Variants in TBCEL observed in about 807,000 individuals in gnomAD.
TBCEL encodes tubulin folding cofactor E like.
In TBCEL, 15 loss-of-function variants were observed where a neutral mutation model predicts 44.2. The ratio of observed to expected loss-of-function variants is 0.34; its 90% CI spans 0.23 to 0.52. The LOEUF is 0.52. Among genes scored for constraint, TBCEL ranks in the 20% least tolerant of loss-of-function variants. The pLI, the probability that TBCEL is intolerant of heterozygous loss-of-function variation, is 0.95. For missense variants in TBCEL, 319 were observed against 506.3 expected, an observed-to-expected ratio of 0.63 and a Z score of 3.55; for synonymous variants, 171 against 185.4, an observed-to-expected ratio of 0.92 and a Z score of 0.63.
intron 8 of TBCEL, among the ~76,000 whole-genome samples, chr11:121,073,459 C>G (rs1344292108): frequency 2.0e-5 from 3 of 151,814 alleles, no homozygotes; most frequent in South Asian, 2.1e-4. Flanking sequence ...TATTGTTGCT[C>G]TATAGAAATG....
chr11:121,043,814 T>G (rs1051699043), intron 2 of TBCEL, among the ~76,000 whole-genome samples: 6 of 152,142 alleles, frequency 3.9e-5, no homozygotes, highest in Non-Finnish European at 7.4e-5. Context: ...CAGTGACTAT[T>G]GTCTTATTGT....
chr11:121,054,234 A>G (rs1945579225), intron 5 of TBCEL, among the ~76,000 whole-genome samples: 3 of 151,894 alleles, frequency 2.0e-5, no homozygotes, highest in Admixed American at 2.0e-4. Context: ...CTATCTTTGT[A>G]TTTACATGTA....
In TBCEL at chr11:121,060,334, G is replaced by A. The variant is rs532183659; in HGVS notation, c.956+249G>A. 1.9e-3 allele frequency among the ~76,000 whole-genome samples: 289 copies of A among 152,006 alleles called. 1 individual carries two copies. The highest frequency in any genetic ancestry group is 6.7e-3 in the African/African-American group (277 of 41,534). ...ATTGGGTAAGTATTTGACAATTCCA[G>A]TAGTTCCTGCTGCATACTCCATATC... On this transcript the variant is annotated intron_variant, in intron 8 of 8. Transcript: ENST00000683345.
At chr11:121,075,487 T>G (rs1946016399) in intron 8 of TBCEL, among the ~76,000 whole-genome samples, 1 of 151,956 alleles carries the variant, frequency 6.6e-6, no homozygotes, top group Non-Finnish European at 1.5e-5. Context: ...CCATATAAAT[T>G]TTGGGCTAAT....
chr11:121,081,183 A>G (rs1284629497), intron 8 of TBCEL, among the ~76,000 whole-genome samples: 1 of 152,182 alleles, frequency 6.6e-6, no homozygotes, highest in Non-Finnish European at 1.5e-5. Flanking sequence ...TGCAGCTAGC[A>G]TTTGGTTTCC....
chr11:121,031,662 CTT>C (rs1159376351), intron 1 of TBCEL, among the ~76,000 whole-genome samples: 18 of 101,870 alleles, frequency 1.8e-4, no homozygotes, highest in East Asian at 1.5e-3. Context: ...TTTTTTCTTT[CTT>C]TTTTTTTTTT....
intron 1 of TBCEL, among the ~76,000 whole-genome samples, chr11:121,025,403 C>T (rs1424872936): frequency 6.7e-6 from 1 of 149,650 alleles, no homozygotes; most frequent in Non-Finnish European, 1.5e-5. Flanking sequence ...AGCTTTCAAA[C>T]TTAAAAAAAA....
At chr11:121,048,670 A>G (rs1373180879) in intron 4 of TBCEL, among the ~76,000 whole-genome samples, 1 of 151,902 alleles carries the variant, frequency 6.6e-6, no homozygotes, top group Non-Finnish European at 1.5e-5. Flanking sequence ...ACTGTCCTGC[A>G]TAAAGGCCTA....
chr11:121,045,260 A>G (rs550273161), intron 2 of TBCEL, among the ~76,000 whole-genome samples: 49 of 152,268 alleles, frequency 3.2e-4, no homozygotes, highest in Middle Eastern at 6.8e-3. Flanking sequence ...GAAGAAGATA[A>G]TGGATTTTAG....
rs77638409 is a variant in TBCEL, at chr11:121,042,048, C to T, written c.-17-3626C>T. Among the ~76,000 whole-genome samples the T allele has an allele frequency of 1.5e-4, 23 of 152,196 alleles. 1 individual carries two copies. The East Asian group carries it at 4.4e-3, about 29-fold the overall frequency. ...TTTTAACTTGAATACGTCTTTCCTA[C>T]CATCCCTTCGTTTCTCTGTATTTAA... On this transcript the variant is annotated intron_variant, in intron 2 of 8. Coordinates refer to ENST00000683345, the MANE Select transcript of TBCEL (RefSeq NM_001363644.2).
chr11:121,055,037 C>A lies in TBCEL; in HGVS notation c.456-15C>A. ...ACTGCTTTAAACAATGAAATATTTCCTTTTTTCTCTGCAGTTTGGAGGAGC... is the reference window on the plus strand; with the variant it reads ...ACTGCTTTAAACAATGAAATATTTCATTTTTTCTCTGCAGTTTGGAGGAGC... On this transcript the variant is annotated splice_polypyrimidine_tract_variant and intron_variant, in intron 5 of 8. Coordinates refer to ENST00000683345, the MANE Select transcript of TBCEL (RefSeq NM_001363644.2). The A allele has an allele frequency of 6.9e-7, 1 of 1,444,104 alleles. No individual in the cohort carries two copies. The highest frequency in any genetic ancestry group is 1.8e-5 in the South Asian group (1 of 57,038). The allele number at this position is 1,444,104 out of a possible 1,614,324, so 89.5% of individuals were successfully genotyped here.
At chr11:121,052,687 G>A (rs994688540) in intron 4 of TBCEL, among the ~76,000 whole-genome samples, 1 of 151,736 alleles carries the variant, frequency 6.6e-6, no homozygotes, top group Non-Finnish European at 1.5e-5. Flanking sequence ...TTATATTTAT[G>A]ATGTATAAAT....
chr11:121,051,314 T>A (rs914872391), intron 4 of TBCEL, among the ~76,000 whole-genome samples: 13 of 151,812 alleles, frequency 8.6e-5, no homozygotes, highest in Non-Finnish European at 2.9e-5. Flanking sequence ...ATCTATTTTT[T>A]AAAGCGTTTT....
chr11:121,035,397 T>TA (rs1458467826), intron 1 of TBCEL: 6 of 151,346 alleles, frequency 4.0e-5, no homozygotes, highest in Non-Finnish European at 8.8e-5. Context: ...AACCAGTACT[T>TA]ACTACCATTG....
At chr11:121,054,805 ATTAT>A (rs1945590997) in intron 5 of TBCEL, 4 of 326,238 alleles carry the variant, frequency 1.2e-5, no homozygotes, top group Admixed American at 9.6e-5. Context: ...TTAGTACTTA[ATTAT>A]TTAAGCACAA....
At chr11:121,075,560 A>T (rs1378843515) in intron 8 of TBCEL, among the ~76,000 whole-genome samples, 1 of 151,964 alleles carries the variant, frequency 6.6e-6, no homozygotes, top group East Asian at 1.9e-4. Flanking sequence ...AAACTTATAG[A>T]TGAGTTTGGG....
At chr11:121,051,400 G>T (rs1478361155) in intron 4 of TBCEL, among the ~76,000 whole-genome samples, 1 of 151,730 alleles carries the variant, frequency 6.6e-6, no homozygotes, top group South Asian at 2.1e-4. Flanking sequence ...TTTAACTGGG[G>T]TTGTCCTATA....
chr11:121,033,819 C>T (rs930833564), intron 1 of TBCEL, among the ~76,000 whole-genome samples: 1 of 151,610 alleles, frequency 6.6e-6, no homozygotes, highest in Non-Finnish European at 1.5e-5. Context: ...ACTCCCCGTG[C>T]CCTCTGGCTC....
chr11:121,059,895 G>A, intron 7 of TBCEL, 74 bp from the exon 8 acceptor site: 1 of 1,036,672 alleles, frequency 9.6e-7, no homozygotes, highest in South Asian at 1.5e-5. Context: ...TGGGCCACAA[G>A]CCAATTAGTT....
Sources: gnomAD v4.1 joint callset for allele counts (sites outside exome capture counted in the v4.1 genomes callset) on GRCh38, gnomAD v4.1.1 for gene constraint, MANE v1.5 for transcripts, NCBI Gene and HGNC (gene_info 2026-07-23, HGNC 2026-07-21) for gene names.